CSTPP1: variants seen among roughly 807,000 people sequenced by gnomAD.
CSTPP1 encodes UPF0705 protein C11orf49.
chr11:47,035,521 C>T, the CSTPP1 span, among the ~76,000 whole-genome samples: 14 of 152,172 alleles, frequency 9.2e-5, no homozygotes, highest in African/African-American at 3.1e-4. Context: ...GCAATAGCAA[C>T]AGGAGTTGGC....
At chr11:46,998,106 A>G in the CSTPP1 span, among the ~76,000 whole-genome samples, 3 of 152,184 alleles carry the variant, frequency 2.0e-5, no homozygotes, top group African/African-American at 7.2e-5. Flanking sequence ...AAATGCGGAA[A>G]TCACCCGTCT....
At chr11:46,977,837 AG>A in the CSTPP1 span, among the ~76,000 whole-genome samples, 2 of 152,234 alleles carry the variant, frequency 1.3e-5, no homozygotes, top group African/African-American at 4.8e-5. Context: ...GAACATAATG[AG>A]GCTCTTAGTA....
the CSTPP1 span, chr11:47,137,573 T>C: frequency 8.7e-6 from 14 of 1,610,466 alleles, no homozygotes; most frequent in African/African-American, 9.3e-5. Flanking sequence ...CTGAAACTCA[T>C]GAAATGAACA....
the CSTPP1 span, among the ~76,000 whole-genome samples, chr11:47,073,661 T>C: frequency 6.6e-6 from 1 of 152,146 alleles, no homozygotes; most frequent in African/African-American, 2.4e-5. Context: ...GTGATAATAA[T>C]AATGCTTTTT....
chr11:47,118,841 G>A, the CSTPP1 span, among the ~76,000 whole-genome samples: 3 of 152,190 alleles, frequency 2.0e-5, no homozygotes, highest in Non-Finnish European at 4.4e-5. Flanking sequence ...CGTCCCAGAG[G>A]GCAGCCACCT....
the CSTPP1 span, among the ~76,000 whole-genome samples, chr11:47,094,525 G>A: frequency 6.6e-6 from 1 of 152,082 alleles, no homozygotes; most frequent in African/African-American, 2.4e-5. Flanking sequence ...ATGTGGATAT[G>A]CCTGTTATCT....
chr11:47,022,936 A>G, the CSTPP1 span, among the ~76,000 whole-genome samples: 1 of 152,318 alleles, frequency 6.6e-6, no homozygotes, highest in East Asian at 1.9e-4. Context: ...AAAGTCATAC[A>G]GCCAGGAAGA....
chr11:47,016,508 G>T, the CSTPP1 span, among the ~76,000 whole-genome samples: 1 of 151,976 alleles, frequency 6.6e-6, no homozygotes, highest in African/African-American at 2.4e-5. Flanking sequence ...AGAACAATTG[G>T]AAATTTAAAT....
chr11:47,160,526 A>AGAT, the CSTPP1 span: 1 of 153,358 alleles, frequency 6.5e-6, no homozygotes, highest in East Asian at 1.9e-4. Context: ...GGGTTCTATG[A>AGAT]GATGTACTTT....
chr11:47,008,658 T>TC, the CSTPP1 span, among the ~76,000 whole-genome samples: 1 of 152,220 alleles, frequency 6.6e-6, no homozygotes, highest in Non-Finnish European at 1.5e-5. Context: ...GAGATTTCTA[T>TC]TATTGAAAGA....
the CSTPP1 span, chr11:47,137,643 A>T: frequency 6.2e-7 from 1 of 1,614,160 alleles, no homozygotes; most frequent in Non-Finnish European, 8.5e-7. Context: ...TTTCCACTTC[A>T]GATTTGCTGA....
chr11:47,067,740 C>A, the CSTPP1 span, among the ~76,000 whole-genome samples: 1 of 152,238 alleles, frequency 6.6e-6, no homozygotes, highest in South Asian at 2.1e-4. Flanking sequence ...TTAATTTCTG[C>A]TGTTTAAGTC....
the CSTPP1 span, among the ~76,000 whole-genome samples, chr11:46,952,170 G>A: frequency 6.6e-6 from 1 of 152,196 alleles, no homozygotes; most frequent in African/African-American, 2.4e-5. Flanking sequence ...GGATGTGAAA[G>A]GCAGGGTCTG....
the CSTPP1 span, among the ~76,000 whole-genome samples, chr11:46,956,636 T>A: frequency 6.6e-6 from 1 of 152,152 alleles, no homozygotes; most frequent in Non-Finnish European, 1.5e-5. Flanking sequence ...AACCCCCTTT[T>A]TCGAGGAGGC....
the CSTPP1 span, among the ~76,000 whole-genome samples, chr11:46,938,871 G>A: frequency 2.1e-3 from 318 of 149,766 alleles, no homozygotes; most frequent in African/African-American, 7.5e-3. Context: ...TCAACCTCCG[G>A]GCTCAAGTGA....
chr11:47,160,599 G>A, the CSTPP1 span: 1 of 154,254 alleles, frequency 6.5e-6, no homozygotes, highest in Non-Finnish European at 1.4e-5. Context: ...TTTGGAAAAA[G>A]GGGAAATCTG....
At chr11:47,148,897 CTTCAGGAAAACCG>C in the CSTPP1 span, among the ~76,000 whole-genome samples, 1 of 152,194 alleles carries the variant, frequency 6.6e-6, no homozygotes, top group African/African-American at 2.4e-5. Context: ...TAATCCAGAA[CTTCAGGAAAACCG>C]GTGCAGCCCG....
chr11:46,997,734 G>A, the CSTPP1 span, among the ~76,000 whole-genome samples: 1 of 152,306 alleles, frequency 6.6e-6, no homozygotes, highest in Non-Finnish European at 1.5e-5. Context: ...TACAGATGGG[G>A]TTTTGGTGTG....
At chr11:47,064,971 T>TGTG in the CSTPP1 span, among the ~76,000 whole-genome samples, 1 of 152,228 alleles carries the variant, frequency 6.6e-6, no homozygotes. Flanking sequence ...CTTGAACTCC[T>TGTG]GACCTTGTGA....
Sources: gnomAD v4.1 joint callset for allele counts (sites outside exome capture counted in the v4.1 genomes callset) on GRCh38, gnomAD v4.1.1 for gene constraint, MANE v1.5 for transcripts, NCBI Gene and HGNC (gene_info 2026-07-23, HGNC 2026-07-21) for gene names.